ACOXL: variants seen among roughly 807,000 people sequenced by gnomAD.
ACOXL encodes acyl-CoA oxidase like.
Under a neutral mutation model 71.9 loss-of-function variants are expected in ACOXL, and 70 were observed. The ratio of observed to expected loss-of-function variants is 0.97; its 90% CI spans 0.80 to 1.19. The LOEUF is 1.19. Ranked by LOEUF, ACOXL falls within the 50% of genes most tolerant of loss-of-function variation. The pLI is 0.00. For missense variants in ACOXL, 703 were observed against 736.3 expected (o/e 0.95, Z 0.52); for synonymous variants, 253 against 281.6 (o/e 0.90, Z 1.02).
chr2:111,036,541 G>T (rs1349367305), intron 15 of ACOXL, among the ~76,000 whole-genome samples: 2 of 152,168 alleles, frequency 1.3e-5, no homozygotes, highest in African/African-American at 4.8e-5. Flanking sequence ...GAGAAGGAAT[G>T]TCCCCTGGCT....
At chr2:110,879,643 TG>T (rs1431826646) in intron 10 of ACOXL, among the ~76,000 whole-genome samples, 1 of 152,134 alleles carries the variant, frequency 6.6e-6, no homozygotes, top group Non-Finnish European at 1.5e-5. Context: ...TTGACTGATT[TG>T]TGGGAGGGTA....
chr2:110,987,719 T>G (rs1558831320), intron 13 of ACOXL, among the ~76,000 whole-genome samples: 2 of 152,230 alleles, frequency 1.3e-5, no homozygotes, highest in African/African-American at 4.8e-5. Context: ...TCCCTCAATA[T>G]TTTGTTTCTT....
chr2:111,002,689 G>A (rs1465076261), intron 14 of ACOXL, among the ~76,000 whole-genome samples: 6 of 151,976 alleles, frequency 3.9e-5, no homozygotes, highest in African/African-American at 9.7e-5. Flanking sequence ...TTACCGTTAG[G>A]GTTTAGGAGT....
intron 10 of ACOXL, among the ~76,000 whole-genome samples, chr2:110,880,414 T>C (rs1399003941): frequency 6.6e-6 from 1 of 152,228 alleles, no homozygotes; most frequent in Non-Finnish European, 1.5e-5. Flanking sequence ...AATCTTTCAA[T>C]AGGGTTTATG....
chr2:110,916,173 A>G (rs945317610), intron 11 of ACOXL, among the ~76,000 whole-genome samples: 8 of 152,042 alleles, frequency 5.3e-5, no homozygotes, highest in African/African-American at 1.9e-4. Flanking sequence ...TATAATATTA[A>G]TGACTGTAAG....
rs544511667 is a variant in ACOXL at position 110,782,719 on chromosome 2, CAA to C, written c.76-2011_76-2010del. On this transcript the variant is annotated intron_variant, in intron 2 of 17. Transcript: ENST00000439055. ...GACCGCAGTTGGACACCATTAATGGCAAAGTCATACTCCTGCACTGACAGTGT... is the reference window on the plus strand; with the variant it reads ...GACCGCAGTTGGACACCATTAATGGCAGTCATACTCCTGCACTGACAGTGT... 4.0e-3 allele frequency among the ~76,000 whole-genome samples: 607 copies of C among 152,258 alleles called. 4 individuals are homozygous for C. The highest frequency in any genetic ancestry group is 7.0e-3 in the Non-Finnish European group (476 of 68,034).
intron 10 of ACOXL, among the ~76,000 whole-genome samples, chr2:110,859,075 G>A (rs1328200960): frequency 6.6e-6 from 1 of 152,196 alleles, no homozygotes; most frequent in African/African-American, 2.4e-5. Context: ...TCTGCGTTTA[G>A]GATACGTTCA....
At position 111,004,927 on chromosome 2, in the gene ACOXL, T is replaced by A. The variant is rs116483034; in HGVS notation, c.1281+8923T>A. Among the ~76,000 whole-genome samples, 580 of 152,330 alleles carry A rather than the reference T, an allele frequency of 3.8e-3. 3 individuals are homozygous for A. Among genetic ancestry groups the A allele is most frequent in the Middle Eastern group, 0.017 (5 of 294 alleles). The stretch of plus-strand genomic sequence containing the variant: ...TGGCAGATGTTTTACAACAATCTCA[T>A]GGCACAGAAATATCAATTCTGGTAG... On this transcript the variant is annotated intron_variant, in intron 14 of 17. Coordinates refer to ENST00000439055, the MANE Select transcript of ACOXL (RefSeq NM_001142807.4).
chr2:111,106,888 C>G (rs557266126), intron 17 of ACOXL, among the ~76,000 whole-genome samples: 1 of 152,208 alleles, frequency 6.6e-6, no homozygotes, highest in East Asian at 1.9e-4. Context: ...ATTACGGTTC[C>G]CTAAAGGGCC....
chr2:110,823,081 C>G (rs1221443671), intron 9 of ACOXL, among the ~76,000 whole-genome samples: 1 of 152,022 alleles, frequency 6.6e-6, no homozygotes, highest in African/African-American at 2.4e-5. Flanking sequence ...GGTGAAACCC[C>G]ATCTCTACTA....
intron 14 of ACOXL, among the ~76,000 whole-genome samples, chr2:111,027,081 G>C (rs2065047254): frequency 6.6e-6 from 1 of 151,924 alleles, no homozygotes; most frequent in Admixed American, 6.6e-5. Flanking sequence ...GTTTTTTGTA[G>C]AGACGGGGTT....
chr2:110,852,154 C>G (rs1392362944), intron 10 of ACOXL, among the ~76,000 whole-genome samples: 3 of 152,178 alleles, frequency 2.0e-5, no homozygotes, highest in Admixed American at 2.0e-4. Context: ...TTAACTACTG[C>G]AGGGCTAGAG....
chr2:110,772,465 T>C (rs1682071261), intron 2 of ACOXL, among the ~76,000 whole-genome samples: 1 of 152,192 alleles, frequency 6.6e-6, no homozygotes, highest in Non-Finnish European at 1.5e-5. Flanking sequence ...CAATCAGGGC[T>C]TGTGGGTGGC....
chr2:110,733,449 G>A (rs751086321), intron 1 of ACOXL, among the ~76,000 whole-genome samples: 8 of 152,184 alleles, frequency 5.3e-5, no homozygotes, highest in Non-Finnish European at 1.0e-4. Flanking sequence ...CCAGAACTCG[G>A]CATTCGTGTC....
At chr2:110,972,674 CACAA>C (rs1290183469) in intron 12 of ACOXL, among the ~76,000 whole-genome samples, 1 of 138,932 alleles carries the variant, frequency 7.2e-6, no homozygotes, top group Non-Finnish European at 1.6e-5. Flanking sequence ...CACACACACA[CACAA>C]AATTCAAGGT....
rs1696634584 is a variant in ACOXL at position 110,881,463 on chromosome 2, AT to A, written c.789-27325del. On this transcript the variant is annotated intron_variant, in intron 10 of 17. Transcript: ENST00000439055. ...TTTCTTTGTAATCATATATATATATATGCTTTATTAAGGTATAATTAACATA... is the reference window on the plus strand; with the variant it reads ...TTTCTTTGTAATCATATATATATATAGCTTTATTAAGGTATAATTAACATA... Among the ~76,000 whole-genome samples, 3 of 152,110 alleles carry A rather than the reference AT, an allele frequency of 2.0e-5. 1 individual carries two copies. The South Asian group carries it at 6.2e-4, about 31-fold the overall frequency.
chr2:110,783,610 CACAG>C (rs1355722610), intron 2 of ACOXL, among the ~76,000 whole-genome samples: 1 of 150,310 alleles, frequency 6.7e-6, no homozygotes, highest in Non-Finnish European at 1.5e-5. Context: ...AGTGTAGAAA[CACAG>C]ACACACACAC....
intron 12 of ACOXL, among the ~76,000 whole-genome samples, chr2:110,940,083 C>T: frequency 6.6e-6 from 1 of 152,156 alleles, no homozygotes; most frequent in Non-Finnish European, 1.5e-5. Flanking sequence ...TACAAAGACA[C>T]ATGTATGAAA....
chr2:111,100,976 A>G (rs1274133512), intron 17 of ACOXL: 1 of 152,696 alleles, frequency 6.5e-6, no homozygotes, highest in East Asian at 1.9e-4. Context: ...CCGTTGAATC[A>G]TAGAGGAAGA....
Sources: allele counts gnomAD v4.1 joint callset (sites outside exome capture counted in the v4.1 genomes callset), GRCh38; gene constraint gnomAD v4.1.1; transcripts MANE v1.5; gene names NCBI Gene and HGNC (gene_info 2026-07-23, HGNC 2026-07-21).